The following NDUFA5 variants were observed in gnomAD, a reference collection of about 807,000 sequenced individuals.
The protein encoded by NDUFA5 is NADH:ubiquinone oxidoreductase subunit A5.
NDUFA5 carries 11 observed loss-of-function variants against 19.8 expected under a neutral mutation model. The observed-to-expected ratio is 0.56, with a 90% CI of 0.35 to 0.92. The LOEUF (loss-of-function observed/expected upper bound fraction) is 0.92. Ranked by LOEUF, NDUFA5 falls within the 40% of genes least tolerant of loss-of-function variation. The pLI is 0.01. For missense variants in NDUFA5, 109 were observed against 134.2 expected (o/e 0.81, Z 0.93); for synonymous variants, 47 against 46.8 (o/e 1.00, Z -0.01).
intron 4 of NDUFA5, among the ~76,000 whole-genome samples, chr7:123,544,850 T>A (rs569682229): frequency 2.7e-5 from 4 of 149,458 alleles, no homozygotes; most frequent in African/African-American, 9.8e-5. Context: ...CTCAAAATAG[T>A]ATATTTCCAG....
intron 3 of NDUFA5, chr7:123,546,777 C>A: frequency 1.0e-6 from 1 of 953,394 alleles, no homozygotes; most frequent in Non-Finnish European, 1.5e-6. Flanking sequence ...CAAATAACAC[C>A]TTCTTATTGA....
Position 123,557,445 on chromosome 7 carries a change from T to C in NDUFA5, c.25A>G (p.Thr9Ala), listed in dbSNP as rs1798600915. The stretch of plus-strand genomic sequence containing the variant: ...CACACAGCCAATCCCACAAGGCCAG[T>C]GGTCTGTTCAAAAACAAAACACGAT... MAGVLKKTTGLVGLAVCNT... is the reference protein window; with the variant it reads MAGVLKKTAGLVGLAVCNT... The change falls in exon 2 of 5, where the codon ACT becomes GCT. Residue 9 changes from threonine to alanine, a missense_variant. By Grantham distance (58) the Thr-to-Ala change is moderately conservative. Transcript: ENST00000355749. The C allele has an allele frequency of 3.1e-6, 5 of 1,612,512 alleles. No individual in the cohort carries two copies. In the East Asian group the frequency reaches 8.9e-5, roughly 29 times the overall value.
At chr7:123,585,189 T>C in the NDUFA5 span, among the ~76,000 whole-genome samples, 64 of 151,970 alleles carry the variant, frequency 4.2e-4, 2 homozygotes, top group East Asian at 0.012. Flanking sequence ...TCAAATAATC[T>C]TGCATTTGAA....
the NDUFA5 span, among the ~76,000 whole-genome samples, chr7:123,586,196 G>A: frequency 2.6e-5 from 4 of 151,788 alleles, no homozygotes; most frequent in South Asian, 8.3e-4. Flanking sequence ...TTCCTACCAA[G>A]AGTGTACAAG....
chr7:123,543,964 TG>T (rs1379624253), intron 4 of NDUFA5, among the ~76,000 whole-genome samples: 2 of 152,230 alleles, frequency 1.3e-5, no homozygotes, highest in African/African-American at 4.8e-5. Context: ...TCTTTTGATT[TG>T]GTATATCATG....
At chr7:123,556,323 T>C (rs1231606911) in intron 2 of NDUFA5, 1 of 152,266 alleles carries the variant, frequency 6.6e-6, no homozygotes, top group East Asian at 1.9e-4. Context: ...TTCAGGACTT[T>C]TATAAAGGAA....
intron 2 of NDUFA5, chr7:123,551,496 C>T (rs1270045066): frequency 2.1e-6 from 2 of 970,390 alleles, no homozygotes; most frequent in East Asian, 1.1e-4. Context: ...GGCGTGAGCC[C>T]ACCCAGCCTG....
At chr7:123,549,637 G>A (rs1032123073) in intron 3 of NDUFA5, among the ~76,000 whole-genome samples, 2 of 152,152 alleles carry the variant, frequency 1.3e-5, no homozygotes, top group Non-Finnish European at 1.5e-5. Flanking sequence ...AATTAGCTGG[G>A]CATGATGGTG....
chr7:123,593,223 C>T, the NDUFA5 span, among the ~76,000 whole-genome samples: 1 of 152,210 alleles, frequency 6.6e-6, no homozygotes, highest in South Asian at 2.1e-4. Context: ...GACTTTTTAT[C>T]CAATTTGCCA....
chr7:123,584,308 CAAAAAAAAAAA>C, the NDUFA5 span, among the ~76,000 whole-genome samples: 1 of 99,532 alleles, frequency 1.0e-5, no homozygotes, highest in African/African-American at 3.9e-5. Flanking sequence ...AAGGCCTTGT[CAAAAAAAAAAA>C]AAAAAAAAAA....
chr7:123,553,115 TATAAAG>T (rs1423207346), intron 2 of NDUFA5, among the ~76,000 whole-genome samples: 1 of 152,212 alleles, frequency 6.6e-6, no homozygotes, highest in African/African-American at 2.4e-5. Flanking sequence ...ACTGTTTGCG[TATAAAG>T]ATAGACTGGA....
chr7:123,590,175 T>C, the NDUFA5 span, among the ~76,000 whole-genome samples: 1 of 152,184 alleles, frequency 6.6e-6, no homozygotes, highest in Non-Finnish European at 1.5e-5. Flanking sequence ...TTGTTTGTTT[T>C]TTTTCCTGTA....
the NDUFA5 span, among the ~76,000 whole-genome samples, chr7:123,593,673 G>T: frequency 6.6e-6 from 1 of 152,046 alleles, no homozygotes; most frequent in South Asian, 2.1e-4. Context: ...GCTTCTCTTT[G>T]TGGGTAACCT....
upstream of NDUFA5, among the ~76,000 whole-genome samples, chr7:123,561,381 A>T (rs146260691): frequency 1.3e-5 from 2 of 152,200 alleles, no homozygotes; most frequent in East Asian, 3.8e-4. Flanking sequence ...TTCTTTGTTC[A>T]TTCAAGAAGC....
At chr7:123,599,800 G>A in the NDUFA5 span, among the ~76,000 whole-genome samples, 1 of 152,150 alleles carries the variant, frequency 6.6e-6, no homozygotes, top group African/African-American at 2.4e-5. Context: ...TTGGATGTCA[G>A]TGTCATTTTG....
chr7:123,601,472 T>C, the NDUFA5 span, among the ~76,000 whole-genome samples: 1 of 152,166 alleles, frequency 6.6e-6, no homozygotes, highest in Admixed American at 6.5e-5. Context: ...AGAAAAATAG[T>C]GTGTATTAAA....
At chr7:123,547,604 C>A (rs763073515) in intron 3 of NDUFA5, among the ~76,000 whole-genome samples, 48 of 152,014 alleles carry the variant, frequency 3.2e-4, no homozygotes, top group Admixed American at 5.2e-4. Context: ...ATGTTTAAGA[C>A]AGATTATTTA....
At chr7:123,546,580 C>T in intron 3 of NDUFA5, 2 of 946,244 alleles carry the variant, frequency 2.1e-6, no homozygotes, top group Non-Finnish European at 2.8e-6. Flanking sequence ...TAAATATACC[C>T]ACATATGTAA....
At chr7:123,556,403 A>T (rs1347147141) in intron 2 of NDUFA5, 1 of 156,244 alleles carries the variant, frequency 6.4e-6, no homozygotes, top group East Asian at 1.9e-4. Context: ...CTCTATTTGG[A>T]TTTGCTCTCT....
Sources: gnomAD v4.1 joint callset for allele counts (sites outside exome capture counted in the v4.1 genomes callset) on GRCh38, gnomAD v4.1.1 for gene constraint, MANE v1.5 for transcripts, NCBI Gene and HGNC (gene_info 2026-07-23, HGNC 2026-07-21) for gene names.